VPS53: variants seen among roughly 807,000 people sequenced by gnomAD.
VPS53 encodes vacuolar protein sorting-associated protein 53 homolog.
Under a neutral mutation model 107.0 loss-of-function variants are expected in VPS53, and 70 were observed. That is an observed-to-expected ratio of 0.65 (90% confidence interval 0.54 to 0.80). VPS53 has a LOEUF of 0.80. Among genes scored for constraint, VPS53 ranks in the 30% least tolerant of loss-of-function variants. The pLI is 0.00. For missense variants in VPS53, 917 were observed against 1,049.4 expected (o/e 0.87, Z 1.74); for synonymous variants, 409 against 393.3 (o/e 1.04, Z -0.47).
intron 10 of VPS53, among the ~76,000 whole-genome samples, chr17:624,630 T>C (rs1035855592): frequency 6.6e-6 from 1 of 152,220 alleles, no homozygotes; most frequent in Non-Finnish European, 1.5e-5. Context: ...GCAGCAACAC[T>C]GCCATTAGCC....
intron 19 of VPS53, among the ~76,000 whole-genome samples, chr17:523,737 T>C (rs780867101): frequency 6.6e-6 from 1 of 152,186 alleles, no homozygotes; most frequent in Non-Finnish European, 1.5e-5. Context: ...GCAGGGCATT[T>C]TGGACCTTTC....
chr17:613,434 C>A (rs1319593752), intron 11 of VPS53, among the ~76,000 whole-genome samples: 2 of 149,894 alleles, frequency 1.3e-5, no homozygotes, highest in Non-Finnish European at 3.0e-5. Context: ...ATATTCACAG[C>A]AGTATTCAAA....
intron 4 of VPS53, among the ~76,000 whole-genome samples, chr17:668,214 C>T (rs929009673): frequency 6.6e-6 from 1 of 152,164 alleles, no homozygotes; most frequent in African/African-American, 2.4e-5. Flanking sequence ...GTTTATGATT[C>T]AGTATAGTTA....
chr17:539,304 C>T (rs925477574), intron 17 of VPS53: 6 of 152,156 alleles, frequency 3.9e-5, no homozygotes, highest in South Asian at 4.1e-4. Context: ...CTGGTTATTC[C>T]GCATGCTCGT....
At chr17:578,273 C>G (rs1914823164) in intron 13 of VPS53, among the ~76,000 whole-genome samples, 1 of 151,546 alleles carries the variant, frequency 6.6e-6, no homozygotes, top group South Asian at 2.1e-4. Context: ...TAATGCGTTC[C>G]CAGAGAAATT....
intron 11 of VPS53, among the ~76,000 whole-genome samples, chr17:617,769 T>C (rs1355711783): frequency 1.4e-5 from 2 of 146,756 alleles, no homozygotes; most frequent in African/African-American, 5.1e-5. Context: ...GCCCCACTAA[T>C]ATTTCCCGGG....
intron 11 of VPS53, among the ~76,000 whole-genome samples, chr17:611,724 A>ATTCACATAGTGAG (rs1968885354): frequency 6.6e-6 from 1 of 152,286 alleles, no homozygotes; most frequent in African/African-American, 2.4e-5. Context: ...CTGTACAAAT[A>ATTCACATAGTGAG]TTCACATAGT....
intron 17 of VPS53, among the ~76,000 whole-genome samples, chr17:540,884 G>T (rs1368311293): frequency 6.6e-6 from 1 of 152,134 alleles, no homozygotes; most frequent in Non-Finnish European, 1.5e-5. Context: ...CTCCACAGTG[G>T]GGCTGGGGGG....
chr17:544,358 G>A (rs1490168736), intron 17 of VPS53, among the ~76,000 whole-genome samples: 2 of 152,154 alleles, frequency 1.3e-5, no homozygotes, highest in Non-Finnish European at 2.9e-5. Context: ...AAAACATCTG[G>A]TCGGGCACGA....
At chr17:662,024 A>G in intron 4 of VPS53, 129 bp from the exon 5 acceptor site, 2 of 829,830 alleles carry the variant, frequency 2.4e-6, no homozygotes, top group Admixed American at 2.9e-5. Context: ...TATGCCAACA[A>G]TTTTTCTGGA....
At chr17:615,674 G>C (rs908353910) in intron 11 of VPS53, among the ~76,000 whole-genome samples, 1 of 152,188 alleles carries the variant, frequency 6.6e-6, no homozygotes, top group Non-Finnish European at 1.5e-5. Flanking sequence ...GATATACCTT[G>C]GTTCGTTTCA....
intron 11 of VPS53, among the ~76,000 whole-genome samples, chr17:603,075 A>G (rs1368825119): frequency 6.6e-6 from 1 of 152,206 alleles, no homozygotes; most frequent in East Asian, 1.9e-4. Context: ...AGCGTGAATA[A>G]CTTTGCCAAG....
intron 11 of VPS53, among the ~76,000 whole-genome samples, chr17:615,011 G>A (rs1289837785): frequency 1.3e-5 from 2 of 152,208 alleles, no homozygotes; most frequent in Non-Finnish European, 2.9e-5. Flanking sequence ...GATCTAGTCT[G>A]CTTTTCTGCT....
intron 4 of VPS53, among the ~76,000 whole-genome samples, chr17:663,306 T>G (rs1971547728): frequency 6.6e-6 from 1 of 152,206 alleles, no homozygotes; most frequent in African/African-American, 2.4e-5. Flanking sequence ...CAGCTGCAGC[T>G]TCTGCTAGGA....
chr17:600,515 T>G (rs566436155), intron 12 of VPS53, among the ~76,000 whole-genome samples: 26 of 152,278 alleles, frequency 1.7e-4, no homozygotes, highest in Admixed American at 3.3e-4. Flanking sequence ...GTCAATACTA[T>G]GACGGCTTTA....
chr17:560,488 C>G lies in VPS53; in HGVS notation c.1642G>C (p.Glu548Gln). 6.2e-7 allele frequency: 1 copy of G among 1,613,338 alleles called. No homozygotes were observed. The highest frequency in any genetic ancestry group is 8.5e-7 in the Non-Finnish European group (1 of 1,180,012). ...AGGATGTTACAGATGAGGCAGAGCT[C>G]CTCCAGAGTGAACTTGGCTACTTCT... ...GSEVAKFTLE[E>Q]LCLICNILST... The change falls in exon 15 of 22, where the codon GAG (glutamate) becomes CAG (glutamine). Residue 548 changes from glutamate (E) to glutamine (Q), a missense_variant. By Grantham distance (29) the Glu-to-Gln change is conservative. Coordinates refer to ENST00000437048, the MANE Select transcript of VPS53 (RefSeq NM_001128159.3).
At chr17:570,018 C>G (rs1422442549) in intron 13 of VPS53, among the ~76,000 whole-genome samples, 1 of 151,996 alleles carries the variant, frequency 6.6e-6, no homozygotes, top group Non-Finnish European at 1.5e-5. Context: ...TCTCCCAACA[C>G]TTATTAATAA....
At chr17:630,636 G>C (rs963551138) in intron 8 of VPS53, among the ~76,000 whole-genome samples, 1 of 152,200 alleles carries the variant, frequency 6.6e-6, no homozygotes, top group African/African-American at 2.4e-5. Flanking sequence ...AAAAGCTGGG[G>C]CCGCTACTCC....
intron 19 of VPS53, chr17:532,165 C>T (rs1323656609): frequency 6.6e-6 from 1 of 152,104 alleles, no homozygotes; most frequent in Non-Finnish European, 1.5e-5. Context: ...CCAGGCTGGT[C>T]TCGAACTCCT....
Sources: allele counts gnomAD v4.1 joint callset (sites outside exome capture counted in the v4.1 genomes callset), GRCh38; gene constraint gnomAD v4.1.1; transcripts MANE v1.5; gene names NCBI Gene and HGNC (gene_info 2026-07-23, HGNC 2026-07-21).